RAB10: variants seen among roughly 807,000 people sequenced by gnomAD.
RAB10 encodes ras-related protein Rab-10.
A neutral mutation model predicts 25.7 loss-of-function variants in RAB10; 5 were observed. The ratio of observed to expected loss-of-function variants is 0.19; its 90% CI spans 0.10 to 0.41. RAB10 has a LOEUF of 0.41. Among genes scored for constraint, RAB10 ranks in the 10% least tolerant of loss-of-function variants. The pLI, the probability that RAB10 is intolerant of heterozygous loss-of-function variation, is 1.00. For synonymous variants in RAB10, 89 were observed against 86.4 expected (o/e 1.03, Z -0.16); for missense variants, 103 against 245.8 (o/e 0.42, Z 3.89).
chr2:26,129,153 C>A (rs1218747296), intron 5 of RAB10, among the ~76,000 whole-genome samples: 1 of 151,698 alleles, frequency 6.6e-6, no homozygotes, highest in East Asian at 1.9e-4. Context: ...GCCTGTAATC[C>A]CAGCTTCTTG....
At chr2:26,092,319 G>A (rs533855823) in intron 1 of RAB10, among the ~76,000 whole-genome samples, 607 of 59,510 alleles carry the variant, frequency 0.01, 3 homozygotes, top group African/African-American at 0.031. Flanking sequence ...GTGTGTGTGT[G>A]TGTTGGGGTG....
At chr2:26,127,736 A>G (rs1007441177) in intron 4 of RAB10, 114 bp from the exon 5 acceptor site, 1 of 694,554 alleles carries the variant, frequency 1.4e-6, no homozygotes, top group Non-Finnish European at 2.5e-6. Context: ...TCTGTGTTAT[A>G]TATTCTAGTT....
chr2:26,136,919 A>G lies in RAB10; in HGVS notation c.*1898A>G, dbSNP rs914183700. 6.5e-6 allele frequency: 1 copy of G among 152,702 alleles called. No individual in the cohort carries two copies. Among genetic ancestry groups the G allele is most frequent in the African/African-American group, 2.4e-5 (1 of 41,478 alleles). 9.5% of individuals were successfully genotyped at this position (152,702 alleles called of 1,614,324 possible). On this transcript the variant is annotated 3_prime_UTR_variant, in exon 6 of 6. Transcript: ENST00000264710. ...TAATCCCTAATTTTCCACTAAAAATATAATGAAATGATGTTAAGCTTTTTG... is the reference window on the plus strand; with the variant it reads ...TAATCCCTAATTTTCCACTAAAAATGTAATGAAATGATGTTAAGCTTTTTG...
intron 2 of RAB10, among the ~76,000 whole-genome samples, chr2:26,107,245 C>CA (rs57391958): frequency 0.11 from 7,499 of 66,330 alleles, 628 homozygotes; most frequent in African/African-American, 0.25. Flanking sequence ...CACCCTGTTT[C>CA]AAAAAAAAAA....
At chr2:26,134,657 A>G (rs1035925198) in intron 5 of RAB10, among the ~76,000 whole-genome samples, 6 of 152,236 alleles carry the variant, frequency 3.9e-5, no homozygotes, top group African/African-American at 1.4e-4. Context: ...GGGCTAGAAG[A>G]TAACAAAATC....
chr2:26,044,940 T>C (rs1665965854), intron 1 of RAB10, among the ~76,000 whole-genome samples: 1 of 152,122 alleles, frequency 6.6e-6, no homozygotes, highest in Admixed American at 6.6e-5. Context: ...TCAGTGATAG[T>C]TTTCCTGCTC....
intron 1 of RAB10, among the ~76,000 whole-genome samples, chr2:26,068,594 A>G (rs1196547619): frequency 6.6e-6 from 1 of 152,134 alleles, no homozygotes; most frequent in African/African-American, 2.4e-5. Flanking sequence ...ACATCAGACA[A>G]TCCTGAGCCA....
intron 3 of RAB10, among the ~76,000 whole-genome samples, chr2:26,120,311 A>G (rs1667777451): frequency 6.6e-6 from 1 of 152,186 alleles, no homozygotes. Context: ...CTTTGGGATC[A>G]TGGACCCCTT....
intron 1 of RAB10, among the ~76,000 whole-genome samples, chr2:26,049,797 A>G (rs1666095640): frequency 6.6e-6 from 1 of 152,200 alleles, no homozygotes; most frequent in South Asian, 2.1e-4. Flanking sequence ...CTGTATAAAT[A>G]TTCCATTTAG....
intron 1 of RAB10, among the ~76,000 whole-genome samples, chr2:26,038,186 C>T (rs1665804671): frequency 6.7e-6 from 1 of 150,146 alleles, no homozygotes; most frequent in African/African-American, 2.5e-5. Flanking sequence ...ACACTGCCCT[C>T]CTTTGTTTGT....
At chr2:26,127,387 T>A in intron 4 of RAB10, 154 bp downstream of exon 4, 1 of 619,978 alleles carries the variant, frequency 1.6e-6, no homozygotes, top group South Asian at 2.5e-5. Flanking sequence ...TTTGAGTGAA[T>A]TTTTTTTCAG....
chr2:26,079,493 G>A (rs532936460), intron 1 of RAB10, among the ~76,000 whole-genome samples: 1 of 152,272 alleles, frequency 6.6e-6, no homozygotes, highest in Admixed American at 6.5e-5. Context: ...GGAGGTATCA[G>A]TATGAACTCA....
At chr2:26,102,469 C>T (rs1201583596) in intron 2 of RAB10, among the ~76,000 whole-genome samples, 2 of 133,906 alleles carry the variant, frequency 1.5e-5, no homozygotes, top group South Asian at 2.3e-4. Flanking sequence ...GACGGAGTCT[C>T]GCTCTGTCAC....
At chr2:26,104,473 TACCCA>T (rs1433033798) in intron 2 of RAB10, among the ~76,000 whole-genome samples, 2 of 152,240 alleles carry the variant, frequency 1.3e-5, no homozygotes, top group Non-Finnish European at 2.9e-5. Context: ...ATATTCTGCA[TACCCA>T]AGTCCCATAT....
chr2:26,127,629 G>A lies in RAB10; in HGVS notation c.418-221G>A, dbSNP rs556503872. ...CTTCTCATAAGTTTGCCCCCAGTGT[G>A]AAGTATCTGACTTAGAATATCTGAA... On this transcript the variant is annotated intron_variant, in intron 4 of 5. Coordinates refer to ENST00000264710, the MANE Select transcript of RAB10 (RefSeq NM_016131.5). 7.2e-5 allele frequency among the ~76,000 whole-genome samples: 11 copies of A among 152,310 alleles called. No homozygotes were observed. The South Asian group carries it at 2.3e-3, about 32-fold the overall frequency.
chr2:26,042,085 C>CA (rs1349532640), intron 1 of RAB10, among the ~76,000 whole-genome samples: 1 of 152,124 alleles, frequency 6.6e-6, no homozygotes, highest in African/African-American at 2.4e-5. Flanking sequence ...GTCCCCAAAG[C>CA]ACAAGCTTTT....
rs142464907 is a variant in RAB10 at position 26,067,274 on chromosome 2, A to G, written c.128-31388A>G. ...AAGTCATTGTTACCACTTTAAATAT[A>G]TACTTGAGTGCATTGCTATCTAAAG... On this transcript the variant is annotated intron_variant, in intron 1 of 5. Transcript: ENST00000264710. 1.3e-3 allele frequency among the ~76,000 whole-genome samples: 196 copies of G among 152,286 alleles called. 1 individual carries two copies. The highest frequency in any genetic ancestry group is 4.6e-3 in the African/African-American group (190 of 41,558).
In RAB10 at chr2:26,034,538, G is replaced by A; in HGVS notation, c.-71G>A. 2.5e-6 allele frequency: 4 copies of A among 1,596,436 alleles called. No homozygotes were observed. Among genetic ancestry groups the A allele is most frequent in the Non-Finnish European group, 3.4e-6 (4 of 1,170,426 alleles). ...CTCCGGCCTGAGAACGCCCGAGTGAGGAGTTGGCCGTAGTGAGAGGGACCG... is the reference window on the plus strand; with the variant it reads ...CTCCGGCCTGAGAACGCCCGAGTGAAGAGTTGGCCGTAGTGAGAGGGACCG... On this transcript the variant is annotated 5_prime_UTR_variant, in exon 1 of 6. Transcript: ENST00000264710.
chr2:26,110,769 A>C (rs1002062786), intron 3 of RAB10, among the ~76,000 whole-genome samples: 1 of 152,076 alleles, frequency 6.6e-6, no homozygotes, highest in African/African-American at 2.4e-5. Context: ...GCAGTGGCAC[A>C]ATCTTGGCTC....
Sources: gnomAD v4.1 joint callset for allele counts (sites outside exome capture counted in the v4.1 genomes callset) on GRCh38, gnomAD v4.1.1 for gene constraint, MANE v1.5 for transcripts, NCBI Gene and HGNC (gene_info 2026-07-23, HGNC 2026-07-21) for gene names.